UGT1A10: variants seen among roughly 807,000 people sequenced by gnomAD.
UGT1A10 encodes UDP-glucuronosyltransferase 1A10.
A neutral mutation model predicts 45.8 loss-of-function variants in UGT1A10; 49 were observed. That is an observed-to-expected ratio of 1.07 (90% CI 0.85 to 1.36). The LOEUF is 1.36. Ranked by LOEUF, UGT1A10 falls within the 40% of genes most tolerant of loss-of-function variation. The pLI is 0.00. For synonymous variants in UGT1A10, 284 were observed against 249.7 expected (o/e 1.14, Z -1.29); for missense variants, 745 against 668.6 (o/e 1.11, Z -1.26).
In UGT1A10 at chr2:233,769,397, A is replaced by C; in HGVS notation, c.1295+958A>C. 1 of 1,148,656 alleles carries C rather than the reference A, an allele frequency of 8.7e-7. No individual in the cohort carries two copies. The allele number at this position is 1,148,656 out of a possible 1,614,324, so 71.2% of individuals were successfully genotyped here. ...TCATCCGACAATAGATACTGTGTGC[A>C]TATGTGCGTGTGCGTTTGTGCATGT... On this transcript the variant is annotated intron_variant, in intron 4 of 4. Transcript: ENST00000344644. This position sits in a 1 kb window ranked among gnomAD's most constrained non-coding sequence, Gnocchi z 4.4.
intron 1 of UGT1A10, among the ~76,000 whole-genome samples, chr2:233,735,014 T>C (rs902605197): frequency 1.3e-5 from 2 of 152,232 alleles, no homozygotes; most frequent in Non-Finnish European, 2.9e-5. Context: ...GAGAGTTCTG[T>C]AGATGTCTAT....
At chr2:233,751,502 G>A (rs1015716404) in intron 1 of UGT1A10, among the ~76,000 whole-genome samples, 1 of 152,208 alleles carries the variant, frequency 6.6e-6, no homozygotes, top group Non-Finnish European at 1.5e-5. Flanking sequence ...AGATTTGGGA[G>A]GGGCCAGAGG....
chr2:233,690,776 TAC>T (rs34459843), intron 1 of UGT1A10: 249,360 of 961,196 alleles, frequency 0.26, 14,017 homozygotes, highest in African/African-American at 0.41. Flanking sequence ...CACACACACA[TAC>T]ACACACACAC....
At chr2:233,667,615 A>G (rs971223601) in intron 1 of UGT1A10, among the ~76,000 whole-genome samples, 5 of 152,178 alleles carry the variant, frequency 3.3e-5, no homozygotes, top group Non-Finnish European at 7.4e-5. Context: ...ATGGGAGAAA[A>G]TTTTGGAATC....
chr2:233,718,753 G>T, intron 1 of UGT1A10: 5 of 1,612,362 alleles, frequency 3.1e-6, no homozygotes, highest in Non-Finnish European at 4.2e-6. Flanking sequence ...AGGTAATTAA[G>T]GCGAAGGAAA....
At chr2:233,659,661 G>A (rs747259369) in intron 1 of UGT1A10, among the ~76,000 whole-genome samples, 9 of 152,038 alleles carry the variant, frequency 5.9e-5, no homozygotes, top group Non-Finnish European at 1.2e-4. Flanking sequence ...AGGCGCACTC[G>A]ATTTAACTTA....
At chr2:233,750,844 C>G (rs903406800) in intron 1 of UGT1A10, 1 of 151,832 alleles carries the variant, frequency 6.6e-6, no homozygotes, top group African/African-American at 2.4e-5. Flanking sequence ...TAAGGAAATG[C>G]TTGGATGTCC....
At chr2:233,763,469 A>G (rs1698318094) in intron 1 of UGT1A10, among the ~76,000 whole-genome samples, 1 of 152,180 alleles carries the variant, frequency 6.6e-6, no homozygotes, top group South Asian at 2.1e-4. Flanking sequence ...CTAACAATTA[A>G]TAGATTTGAT....
At chr2:233,757,125 G>T (rs1455211055) in intron 1 of UGT1A10, among the ~76,000 whole-genome samples, 1 of 151,320 alleles carries the variant, frequency 6.6e-6, no homozygotes, top group Admixed American at 6.6e-5. Context: ...CTAGAGAGGA[G>T]GAATGAGCTT....
intron 1 of UGT1A10, chr2:233,729,354 C>T: frequency 1.9e-6 from 3 of 1,614,190 alleles, no homozygotes; most frequent in African/African-American, 1.3e-5. Context: ...ACTTTTTCAC[C>T]CTGACAACCT....
intron 1 of UGT1A10, among the ~76,000 whole-genome samples, chr2:233,680,348 T>C (rs1417780955): frequency 6.6e-6 from 1 of 152,206 alleles, no homozygotes; most frequent in Non-Finnish European, 1.5e-5. Context: ...ATAAACGTCA[T>C]ATCACATGCA....
At chr2:233,699,399 G>T (rs1351749107) in intron 1 of UGT1A10, among the ~76,000 whole-genome samples, 2 of 152,200 alleles carry the variant, frequency 1.3e-5, no homozygotes, top group Non-Finnish European at 2.9e-5. Context: ...TTTTAGAAGA[G>T]AATTTAGCTT....
At chr2:233,742,441 G>A (rs1332580930) in intron 1 of UGT1A10, among the ~76,000 whole-genome samples, 1 of 151,942 alleles carries the variant, frequency 6.6e-6, no homozygotes, top group African/African-American at 2.4e-5. Flanking sequence ...CCCTGGGTGG[G>A]CCAGGTGTTC....
chr2:233,674,818 G>A (rs148922555), intron 1 of UGT1A10, among the ~76,000 whole-genome samples: 5 of 152,284 alleles, frequency 3.3e-5, no homozygotes, highest in East Asian at 1.9e-4. Flanking sequence ...AAGGCTTTCC[G>A]GCAAAGAGCC....
intron 1 of UGT1A10, among the ~76,000 whole-genome samples, chr2:233,680,406 A>G (rs2074485774): frequency 6.6e-6 from 1 of 152,212 alleles, no homozygotes; most frequent in Non-Finnish European, 1.5e-5. Flanking sequence ...AGGTAGCAAC[A>G]AAATTATTAT....
chr2:233,760,523 A>G lies in UGT1A10; in HGVS notation c.856-6511A>G, dbSNP rs1697475352. 6.2e-7 allele frequency: 1 copy of G among 1,614,204 alleles called. No individual in the cohort carries two copies. The highest frequency in any genetic ancestry group is 8.5e-7 in the Non-Finnish European group (1 of 1,180,040). On this transcript the variant is annotated intron_variant, in intron 1 of 4. Coordinates refer to ENST00000344644, the MANE Select transcript of UGT1A10 (RefSeq NM_019075.4). ...GGAGCATTTTACACCTTGAAGACGT[A>G]CCCTGTGCCATTCCAAAGGGAGGAT...
intron 1 of UGT1A10, among the ~76,000 whole-genome samples, chr2:233,644,487 G>A (rs191845660): frequency 1.8e-4 from 28 of 152,180 alleles, no homozygotes; most frequent in Non-Finnish European, 3.1e-4. Flanking sequence ...CTTGAACCTC[G>A]GAGGCAGAGG....
rs766714471 is a variant in UGT1A10 at position 233,754,631 on chromosome 2, T to C, written c.856-12403T>C. On this transcript the variant is annotated intron_variant, in intron 1 of 4. Coordinates refer to ENST00000344644, the MANE Select transcript of UGT1A10 (RefSeq NM_019075.4). ...CTCCATCTTCCTCCACTTCCACCCT[T>C]TCTTGGCCATTCTCAATGATTCTCT... The C allele has an allele frequency of 1.3e-4, 58 of 444,366 alleles. 1 individual carries two copies. Among genetic ancestry groups the C allele is most frequent in the South Asian group, 8.9e-4 (56 of 63,060 alleles). The allele number at this position is 444,366 out of a possible 1,614,324, so 27.5% of individuals were successfully genotyped here.
At chr2:233,651,182 T>C (rs2073730387) in intron 1 of UGT1A10, among the ~76,000 whole-genome samples, 1 of 152,156 alleles carries the variant, frequency 6.6e-6, no homozygotes, top group Admixed American at 6.5e-5. Context: ...TTTACCCTCC[T>C]TCAGTTACAG....
Sources: allele counts gnomAD v4.1 joint callset (sites outside exome capture counted in the v4.1 genomes callset), GRCh38; gene constraint gnomAD v4.1.1; non-coding constraint Gnocchi (gnomAD v3.1); transcripts MANE v1.5; gene names NCBI Gene and HGNC (gene_info 2026-07-23, HGNC 2026-07-21).